GPRC5B: variants seen among roughly 807,000 people sequenced by gnomAD.
The protein encoded by GPRC5B is G protein-coupled receptor family C group 5 member B.
A neutral mutation model predicts 30.1 loss-of-function variants in GPRC5B; 16 were observed. The ratio of observed to expected loss-of-function variants is 0.53; its 90% CI spans 0.36 to 0.81. The LOEUF (loss-of-function observed/expected upper bound fraction) is 0.81. Among genes scored for constraint, GPRC5B ranks in the 30% least tolerant of loss-of-function variants. The pLI is 0.01. For missense variants in GPRC5B, 428 were observed against 544.7 expected (o/e 0.79, Z 2.13); for synonymous variants, 241 against 239.5 (o/e 1.01, Z -0.06).
In GPRC5B at chr16:19,871,841, G is replaced by C; in HGVS notation, c.1005C>G (p.Ala335=). The change falls in exon 2 of 4, where the codon GCC becomes GCG. Residue 335 remains alanine, a synonymous_variant. Coordinates refer to ENST00000300571, the MANE Select transcript of GPRC5B (RefSeq NM_016235.3). ...QLPRAYMENK[A]FSMDEHNAAL... The stretch of plus-strand genomic sequence containing the variant: ...CTGCATTGTGTTCATCCATGGAGAA[G>C]GCCTTGTTCTCCATATAGGCCCGCG... 1.2e-6 allele frequency: 2 copies of C among 1,613,828 alleles called. No homozygotes were observed. Among genetic ancestry groups the C allele is most frequent in the Non-Finnish European group, 8.5e-7 (1 of 1,179,910 alleles).
chr16:19,873,527 C>T (rs913837984), intron 1 of GPRC5B, among the ~76,000 whole-genome samples: 2 of 151,274 alleles, frequency 1.3e-5, no homozygotes, highest in East Asian at 3.9e-4. Context: ...TTTAAAGACA[C>T]AGCCACAGGC....
At chr16:19,885,112 C>T (rs984243421), upstream of GPRC5B, 5 of 943,372 alleles carry the variant, frequency 5.3e-6, no homozygotes, top group East Asian at 2.0e-4. This position sits in a 1 kb window ranked among gnomAD's most constrained non-coding sequence, Gnocchi z 5.3. Flanking sequence ...CCCCCCACAA[C>T]GTCAGTGCGC....
intron 2 of GPRC5B, among the ~76,000 whole-genome samples, chr16:19,862,742 A>G (rs1219441924): frequency 1.3e-5 from 2 of 152,172 alleles, no homozygotes; most frequent in Non-Finnish European, 2.9e-5. Flanking sequence ...AACATGGCAA[A>G]ACCCCCTCTA....
intron 2 of GPRC5B, among the ~76,000 whole-genome samples, chr16:19,862,947 G>T (rs938697754): frequency 4.6e-5 from 7 of 152,130 alleles, no homozygotes; most frequent in Non-Finnish European, 8.8e-5. Flanking sequence ...CACTTTTCTG[G>T]CTAAAAAGCA....
At chr16:19,860,685 G>A (rs770742359) in intron 3 of GPRC5B, 141 bp from the exon 4 acceptor site, 15 of 591,482 alleles carry the variant, frequency 2.5e-5, no homozygotes, top group Non-Finnish European at 3.9e-5. Context: ...AGGAGAGGCA[G>A]CAATGACTGT....
At chr16:19,884,862 G>T (rs2056838513), upstream of GPRC5B, 1 of 981,892 alleles carries the variant, frequency 1.0e-6, no homozygotes, top group Non-Finnish European at 1.2e-6. Context: ...TGCCAGAGTC[G>T]CTGCCGCGCG....
Position 19,872,851 on chromosome 16 carries a change from A to G in GPRC5B, c.-1-5T>C, listed in dbSNP as rs763487044. ...CTCTCTGATGCCACGAACATTCTAG[A>G]AAAGCCAAGAGGGGAATGGTTGGGG... On this transcript the variant is annotated splice_polypyrimidine_tract_variant and splice_region_variant and intron_variant, in intron 1 of 3. Coordinates refer to ENST00000300571, the MANE Select transcript of GPRC5B (RefSeq NM_016235.3). This position sits in a 1 kb window ranked among gnomAD's most constrained non-coding sequence, Gnocchi z 5.0. 1 of 1,605,968 alleles carries G rather than the reference A, an allele frequency of 6.2e-7. No homozygotes were observed. Among genetic ancestry groups the G allele is most frequent in the Non-Finnish European group, 8.5e-7 (1 of 1,173,982 alleles).
At position 19,872,426 on chromosome 16, in the gene GPRC5B, C is replaced by T; in HGVS notation, c.420G>A (p.Leu140=). Residue 140 remains leucine (L), a synonymous_variant, in exon 2 of 4, where the codon CTG becomes CTA. Transcript: ENST00000300571. This position sits in a 1 kb window ranked among gnomAD's most constrained non-coding sequence, Gnocchi z 5.0. ...GVLFALCFSC[L]LSQAWRVRRL... ...TCCGCACGCGCCATGCCTGGCTCAG[C>T]AGGCAGGAGAAGCAGAGCGCAAAGA... 1.2e-6 allele frequency: 2 copies of T among 1,613,842 alleles called. No homozygotes were observed. The highest frequency in any genetic ancestry group is 1.7e-6 in the Non-Finnish European group (2 of 1,179,864).
At position 19,859,706 on chromosome 16, in the gene GPRC5B, A is replaced by G. The variant is rs2056604806; in HGVS notation, c.*794T>C. ...AGTGTAGGAACAGGGCGAGATGATCAAGGGAAGAAGGGACTGCTGCCCCAA... is the reference window on the plus strand; with the variant it reads ...AGTGTAGGAACAGGGCGAGATGATCGAGGGAAGAAGGGACTGCTGCCCCAA... On this transcript the variant is annotated 3_prime_UTR_variant, in exon 4 of 4. Transcript: ENST00000300571. 1 of 152,656 alleles carries G rather than the reference A, an allele frequency of 6.6e-6. No homozygotes were observed. 9.5% of individuals were successfully genotyped at this position (152,656 alleles called of 1,614,324 possible).
chr16:19,883,137 A>G (rs1690398), intron 1 of GPRC5B, among the ~76,000 whole-genome samples: 23,689 of 152,158 alleles, frequency 0.16, 2,022 homozygotes, highest in Non-Finnish European at 0.19. Context: ...GCCCCGGGAG[A>G]GCAGGGGTTT....
At position 19,858,302 on chromosome 16, in the gene GPRC5B, G is replaced by C. The variant is rs1597620182; in HGVS notation, c.*2198C>G. 2.3e-6 allele frequency: 1 copy of C among 439,592 alleles called. No homozygotes were observed. Among genetic ancestry groups the C allele is most frequent in the Non-Finnish European group, 4.0e-6 (1 of 249,162 alleles). The allele number at this position is 439,592 out of a possible 1,614,324, so 27.2% of individuals were successfully genotyped here. A position where few individuals can be genotyped will look rare whatever the true frequency, so the allele number is the denominator to read the frequency against. On this transcript the variant is annotated 3_prime_UTR_variant, in exon 4 of 4. Transcript: ENST00000300571. ...CAAAATAAAACAAAACCCTAAGTGCGATAACATATCAGATTTAAAAGGGGG... is the reference window on the plus strand; with the variant it reads ...CAAAATAAAACAAAACCCTAAGTGCCATAACATATCAGATTTAAAAGGGGG...
intron 2 of GPRC5B, chr16:19,862,366 A>G (rs944697151): frequency 3.1e-5 from 6 of 194,208 alleles, no homozygotes; most frequent in African/African-American, 4.7e-5. Flanking sequence ...CACACTGAGG[A>G]GGAAGCTGCT....
At chr16:19,868,630 G>A (rs979020346) in intron 2 of GPRC5B, among the ~76,000 whole-genome samples, 6 of 152,154 alleles carry the variant, frequency 3.9e-5, no homozygotes, top group Non-Finnish European at 5.9e-5. Context: ...TCCAAGCTGG[G>A]CTGACTCTGC....
chr16:19,866,012 C>T (rs2056663570), intron 2 of GPRC5B, among the ~76,000 whole-genome samples: 1 of 152,192 alleles, frequency 6.6e-6, no homozygotes, highest in African/African-American at 2.4e-5. Context: ...TCACTGCAAC[C>T]TCCGCTTCCC....
rs966845880 is a variant in GPRC5B, at chr16:19,858,467, A to G, written c.*2033T>C. On this transcript the variant is annotated 3_prime_UTR_variant, in exon 4 of 4. Transcript: ENST00000300571. ...GGACAATAAAGAACTTAGAAAACGA[A>G]CGTGTGAATTGCTCCATCGTGTGAA... 3 of 679,786 alleles carry G rather than the reference A, an allele frequency of 4.4e-6. No homozygotes were observed. Among genetic ancestry groups the G allele is most frequent in the Non-Finnish European group, 8.0e-6 (3 of 374,240 alleles). The allele number at this position is 679,786 out of a possible 1,614,324, so 42.1% of individuals were successfully genotyped here. A position where few individuals can be genotyped will look rare whatever the true frequency, so the allele number is the denominator to read the frequency against.
chr16:19,860,692 CTG>C, intron 3 of GPRC5B, 148 bp from the exon 4 acceptor site: 1 of 592,214 alleles, frequency 1.7e-6, no homozygotes, highest in Non-Finnish European at 3.0e-6. Context: ...GCAGCAATGA[CTG>C]TGAGTCATGC....
At chr16:19,870,669 C>T (rs2056709519) in intron 2 of GPRC5B, among the ~76,000 whole-genome samples, 1 of 152,222 alleles carries the variant, frequency 6.6e-6, no homozygotes, top group Admixed American at 6.5e-5. Flanking sequence ...CCATCCAGCA[C>T]ATGGGTTGAA....
At position 19,872,246 on chromosome 16, in the gene GPRC5B, A is replaced by G. The variant is rs529705953; in HGVS notation, c.600T>C (p.Phe200=). 5.6e-6 allele frequency: 9 copies of G among 1,614,194 alleles called. No individual in the cohort carries two copies. In the East Asian group the frequency reaches 1.6e-4, roughly 28 times the overall value. The change falls in exon 2 of 4, where the codon TTT becomes TTC. Residue 200 remains phenylalanine (F), a synonymous_variant. Transcript: ENST00000300571. This position sits in a 1 kb window ranked among gnomAD's most constrained non-coding sequence, Gnocchi z 5.0. ...RPACAYEPMD[F]VMALIYDMVL... ...CCATGTCGTAGATGAGGGCCATCAC[A>G]AAGTCCATGGGCTCGTAGGCGCAGG...
intron 1 of GPRC5B, among the ~76,000 whole-genome samples, chr16:19,877,228 GCAGCCAGTTAACTCCCC>G (rs2056765460): frequency 6.6e-6 from 1 of 152,206 alleles, no homozygotes; most frequent in African/African-American, 2.4e-5. Context: ...TGCAGTTCCG[GCAGCCAGTTAACTCCCC>G]CAGCCCCTGC....
Sources: allele counts gnomAD v4.1 joint callset (sites outside exome capture counted in the v4.1 genomes callset), GRCh38; gene constraint gnomAD v4.1.1; non-coding constraint Gnocchi (gnomAD v3.1); transcripts MANE v1.5; gene names NCBI Gene and HGNC (gene_info 2026-07-23, HGNC 2026-07-21).